The following USP31 variants were observed in gnomAD, a reference collection of about 807,000 sequenced individuals.
The protein encoded by USP31 is ubiquitin specific peptidase 31.
USP31 carries 44 observed loss-of-function variants against 119.4 expected under a neutral mutation model. The observed-to-expected ratio is 0.37, with a 90% CI of 0.29 to 0.47. USP31 has a LOEUF of 0.47. Among genes scored for constraint, USP31 ranks in the 20% least tolerant of loss-of-function variants. The probability of loss-of-function intolerance (pLI) is 0.99; values close to 1 mark genes in which losing one functional copy is unlikely to be tolerated. For missense variants in USP31, 1,643 were observed against 1,730.2 expected, an observed-to-expected ratio of 0.95 and a Z score of 0.89; for synonymous variants, 749 against 705.6, an observed-to-expected ratio of 1.06 and a Z score of -0.97.
At chr16:23,120,563 A>G (rs1902633761) in intron 1 of USP31, among the ~76,000 whole-genome samples, 1 of 152,258 alleles carries the variant, frequency 6.6e-6, no homozygotes, top group South Asian at 2.1e-4. Context: ...AAAAGAATGT[A>G]TCCCTACAGC....
chr16:23,113,550 G>A (rs955793091), intron 1 of USP31, among the ~76,000 whole-genome samples: 10 of 152,198 alleles, frequency 6.6e-5, no homozygotes, highest in African/African-American at 2.2e-4. Context: ...AGTCAGGCAG[G>A]CTCTGAGGCA....
At chr16:23,099,486 TATA>T (rs1901757367) in intron 6 of USP31, among the ~76,000 whole-genome samples, 1 of 152,174 alleles carries the variant, frequency 6.6e-6, no homozygotes. Flanking sequence ...CTCAAAGGAT[TATA>T]TATCATGCTA....
intron 6 of USP31, among the ~76,000 whole-genome samples, chr16:23,098,143 A>G (rs1427044156): frequency 1.3e-5 from 2 of 152,222 alleles, no homozygotes; most frequent in African/African-American, 4.8e-5. Flanking sequence ...TACAAAATCA[A>G]TGTGCAAAAA....
At chr16:23,114,717 C>T (rs899169394) in intron 1 of USP31, among the ~76,000 whole-genome samples, 1 of 152,142 alleles carries the variant, frequency 6.6e-6, no homozygotes, top group Non-Finnish European at 1.5e-5. Context: ...TTGTTGGGCA[C>T]GACCCAACAG....
At position 23,148,691 on chromosome 16, in the gene USP31, C is replaced by A. The variant is rs778809944; in HGVS notation, c.580G>T (p.Val194Leu). 26 of 1,492,684 alleles carry A rather than the reference C, an allele frequency of 1.7e-5. 1 individual carries two copies. In the South Asian group the frequency reaches 3.3e-4, roughly 19 times the overall value. 92.5% of individuals were successfully genotyped at this position (1,492,684 alleles called of 1,614,324 possible). The change falls in exon 1 of 16, where the codon GTG becomes TTG. Residue 194 changes from valine to leucine, a missense_variant. Coordinates refer to ENST00000219689, the MANE Select transcript of USP31 (RefSeq NM_020718.4). The stretch of plus-strand genomic sequence containing the variant: ...TACTCCAGGGTCCAGAGGGCCCGCA[C>A]CAGGTGCGCCAGCTGCTCAGTGACC... ...GEVTEQLAHL[V>L]RALWTLEYTP...
chr16:23,136,178 C>T (rs1368750851), intron 1 of USP31, among the ~76,000 whole-genome samples: 3 of 152,038 alleles, frequency 2.0e-5, no homozygotes, highest in Admixed American at 1.3e-4. Flanking sequence ...TGGACCCTTA[C>T]CAAAAATTAA....
chr16:23,077,078 A>T (rs1474404032), intron 13 of USP31, among the ~76,000 whole-genome samples: 5 of 152,262 alleles, frequency 3.3e-5, no homozygotes, highest in African/African-American at 1.2e-4. Context: ...GGTTTAAACC[A>T]AAGTACAAGG....
chr16:23,075,649 G>T (rs1263171314), intron 13 of USP31, among the ~76,000 whole-genome samples: 1 of 152,168 alleles, frequency 6.6e-6, no homozygotes, highest in Non-Finnish European at 1.5e-5. Context: ...GTTGATAAAG[G>T]ATTGGAAATT....
At chr16:23,129,002 C>A (rs1249718362) in intron 1 of USP31, among the ~76,000 whole-genome samples, 1 of 152,160 alleles carries the variant, frequency 6.6e-6, no homozygotes. Flanking sequence ...ACAAATTAAA[C>A]CATAACTTTA....
At chr16:23,107,199 A>G (rs867700952) in intron 2 of USP31, among the ~76,000 whole-genome samples, 1 of 151,868 alleles carries the variant, frequency 6.6e-6, no homozygotes, top group African/African-American at 2.4e-5. Flanking sequence ...GCCTAATCAC[A>G]CTCTACTTCA....
intron 6 of USP31, 87 bp from the exon 7 acceptor site, chr16:23,090,891 T>A (rs1306886133): frequency 3.1e-6 from 4 of 1,275,566 alleles, no homozygotes; most frequent in African/African-American, 1.5e-5. Context: ...ACAGAGAAAA[T>A]TTTTTTTAAA....
chr16:23,148,957 G>A lies in USP31; in HGVS notation c.314C>T (p.Pro105Leu), dbSNP rs1327647331. The A allele has an allele frequency of 9.9e-7, 1 of 1,014,262 alleles. No individual in the cohort carries two copies. The highest frequency in any genetic ancestry group is 1.2e-6 in the Non-Finnish European group (1 of 847,538). 62.8% of individuals were successfully genotyped at this position (1,014,262 alleles called of 1,614,324 possible). A position where few individuals can be genotyped will look rare whatever the true frequency, so the allele number is the denominator to read the frequency against. Residue 105 changes from proline to leucine, a missense_variant, in exon 1 of 16, where the codon CCG (proline) becomes CTG (leucine). Around this residue, in one of 5 missense-constraint regions of USP31, gnomAD observed 302 missense variants for 262.6 expected, o/e 1.15. Transcript: ENST00000219689. The part of the protein sequence containing the change: ...PPGPAAAPTP[P>L]PCPPPPASPA... The stretch of plus-strand genomic sequence containing the variant: ...AGAGGCGGGCGGCGGCGGGCACGGC[G>A]GCGGCGTGGGCGCGGCGGCCGGCCC...
intron 1 of USP31, among the ~76,000 whole-genome samples, chr16:23,132,221 C>T (rs1903050560): frequency 6.6e-6 from 1 of 151,522 alleles, no homozygotes; most frequent in African/African-American, 2.4e-5. Flanking sequence ...AGCCAATGAA[C>T]AATTAATTAG....
chr16:23,087,258 A>G, intron 8 of USP31, 72 bp from the exon 9 acceptor site: 1 of 1,342,556 alleles, frequency 7.4e-7, no homozygotes, highest in South Asian at 1.2e-5. Context: ...TGGCATTTCC[A>G]AAACAGATTA....
Position 23,065,858 on chromosome 16 carries a change from T to C in USP31, c.*2188A>G, listed in dbSNP as rs1900045571. ...AAACCTTTGTCTAATCAAACTATAA[T>C]TGTTTCAGAGATTCAGATAGGAGAC... On this transcript the variant is annotated 3_prime_UTR_variant, in exon 16 of 16. Transcript: ENST00000219689. The C allele has an allele frequency of 6.6e-6, 1 of 152,230 alleles. No homozygotes were observed. Among genetic ancestry groups the C allele is most frequent in the East Asian group, 1.9e-4 (1 of 5,204 alleles). The allele number at this position is 152,230 out of a possible 1,614,324, so 9.4% of individuals were successfully genotyped here.
At chr16:23,086,959 A>G in intron 9 of USP31, 133 bp downstream of exon 9, 1 of 633,610 alleles carries the variant, frequency 1.6e-6, no homozygotes, top group East Asian at 3.0e-5. Context: ...CAAAAGTAAA[A>G]TAAGTACTTA....
chr16:23,136,478 C>A (rs1351471432), intron 1 of USP31, among the ~76,000 whole-genome samples: 1 of 151,972 alleles, frequency 6.6e-6, no homozygotes, highest in East Asian at 1.9e-4. Context: ...CATGGTGAAA[C>A]CCCGTCTCTA....
intron 1 of USP31, among the ~76,000 whole-genome samples, chr16:23,125,977 T>C (rs900614419): frequency 1.3e-5 from 2 of 152,098 alleles, no homozygotes; most frequent in Admixed American, 1.3e-4. Flanking sequence ...CATTTGCTCA[T>C]GAATATGCAC....
At chr16:23,115,941 G>T in intron 1 of USP31, 1 of 249,806 alleles carries the variant, frequency 4.0e-6, no homozygotes. Context: ...AGCATCCCAG[G>T]CTCCAGGGAA....
Sources: allele counts gnomAD v4.1 joint callset (sites outside exome capture counted in the v4.1 genomes callset), GRCh38; gene constraint gnomAD v4.1.1; regional missense constraint gnomAD v4.1.1; transcripts MANE v1.5; gene names NCBI Gene and HGNC (gene_info 2026-07-23, HGNC 2026-07-21).